The following DOCK5 variants were observed in gnomAD, a reference collection of about 807,000 sequenced individuals.
The protein encoded by DOCK5 is dedicator of cytokinesis protein 5.
In DOCK5, 142 loss-of-function variants were observed where a neutral mutation model predicts 251.8. The observed-to-expected ratio is 0.56, with a 90% confidence interval of 0.49 to 0.65. DOCK5 has a LOEUF of 0.65. DOCK5 is among the 30% of genes least tolerant of loss of function. The pLI, the probability that DOCK5 is intolerant of heterozygous loss-of-function variation, is 0.00. For missense variants in DOCK5, 2,111 were observed against 2,312.3 expected, an observed-to-expected ratio of 0.91 and a Z score of 1.79; for synonymous variants, 842 against 835.5, an observed-to-expected ratio of 1.01 and a Z score of -0.13.
At chr8:25,314,946 G>A (rs569380155) in intron 13 of DOCK5, among the ~76,000 whole-genome samples, 1 of 149,538 alleles carries the variant, frequency 6.7e-6, no homozygotes, top group South Asian at 2.1e-4. Context: ...TTGGAGCTAC[G>A]ATGACCTCTT....
chr8:25,363,799 C>T (rs913553998), intron 29 of DOCK5, among the ~76,000 whole-genome samples: 1 of 152,218 alleles, frequency 6.6e-6, no homozygotes, highest in Non-Finnish European at 1.5e-5. Flanking sequence ...ACCGGTCTTC[C>T]GCTAGCAGTG....
At chr8:25,205,407 A>G (rs1321897233) in intron 1 of DOCK5, among the ~76,000 whole-genome samples, 1 of 152,164 alleles carries the variant, frequency 6.6e-6, no homozygotes, top group African/African-American at 2.4e-5. Context: ...CAGCCCCCAG[A>G]GCTGTTAGAA....
At chr8:25,209,171 G>GAGAGAAGTTTCCTGTGCGTCAGGC (rs1338665663) in intron 1 of DOCK5, among the ~76,000 whole-genome samples, 13 of 75,466 alleles carry the variant, frequency 1.7e-4, no homozygotes, top group Admixed American at 5.7e-4. Flanking sequence ...GAGGCTCAGA[G>GAGAGAAGTTTCCTGTGCGTCAGGC]CACATTAGCG....
Position 25,319,559 on chromosome 8 carries a change from T to C in DOCK5, c.1444-19T>C. ...CTAAACAAAATTATTCCCTTCTAAT[T>C]TTTTCCTTCCATCTGAAGAAAGCAA... On this transcript the variant is annotated intron_variant, in intron 14 of 51. Coordinates refer to ENST00000276440, the MANE Select transcript of DOCK5 (RefSeq NM_024940.8). 6.5e-7 allele frequency: 1 copy of C among 1,546,986 alleles called. No individual in the cohort carries two copies. The highest frequency in any genetic ancestry group is 8.8e-7 in the Non-Finnish European group (1 of 1,140,620).
chr8:25,299,340 C>CT, intron 8 of DOCK5: 1 of 434,958 alleles, frequency 2.3e-6, no homozygotes. Flanking sequence ...CTCATTAGGG[C>CT]TTGGAGATGG....
chr8:25,301,232 A>G (rs982387680), intron 9 of DOCK5, among the ~76,000 whole-genome samples: 4 of 152,236 alleles, frequency 2.6e-5, no homozygotes, highest in East Asian at 3.8e-4. Flanking sequence ...GTCTCAGAGC[A>G]TATTCATCAC....
chr8:25,215,452 G>A (rs114683256), intron 1 of DOCK5, among the ~76,000 whole-genome samples: 7,358 of 152,038 alleles, frequency 0.048, 535 homozygotes, highest in African/African-American at 0.16. Context: ...TCTACACCCC[G>A]ATCCCCAGTA....
At chr8:25,398,765 A>G (rs1005247409) in intron 45 of DOCK5, among the ~76,000 whole-genome samples, 2 of 152,128 alleles carry the variant, frequency 1.3e-5, no homozygotes, top group Non-Finnish European at 2.9e-5. Flanking sequence ...TTAAGGGCCC[A>G]CCCTACTCCA....
At chr8:25,268,762 A>G in intron 2 of DOCK5, 83 bp from the exon 3 acceptor site, 1 of 1,163,134 alleles carries the variant, frequency 8.6e-7, no homozygotes, top group Non-Finnish European at 1.2e-6. Context: ...TATTGCTAAT[A>G]GAACATGAGA....
At chr8:25,287,992 T>C (rs1804384965) in intron 5 of DOCK5, among the ~76,000 whole-genome samples, 1 of 151,660 alleles carries the variant, frequency 6.6e-6, no homozygotes, top group Admixed American at 6.6e-5. Flanking sequence ...TTCAAGCAAT[T>C]CTCCTGCCTC....
chr8:25,272,116 CCTT>C, intron 3 of DOCK5, among the ~76,000 whole-genome samples: 1 of 152,094 alleles, frequency 6.6e-6, no homozygotes, highest in East Asian at 1.9e-4. Context: ...GCAGCCTTGA[CCTT>C]CTGGGCTCAA....
chr8:25,262,822 ATTT>A (rs11386810), intron 2 of DOCK5, among the ~76,000 whole-genome samples: 1 of 143,864 alleles, frequency 7.0e-6, no homozygotes. Flanking sequence ...TATAGATACA[ATTT>A]TTTTTTTTTT....
intron 1 of DOCK5, among the ~76,000 whole-genome samples, chr8:25,197,250 G>A (rs1801752447): frequency 6.6e-6 from 1 of 152,132 alleles, no homozygotes; most frequent in Admixed American, 6.5e-5. Context: ...ATTATTTTGA[G>A]GCAGAGATGT....
intron 26 of DOCK5, among the ~76,000 whole-genome samples, chr8:25,346,380 C>A (rs528485266): frequency 6.6e-6 from 1 of 152,276 alleles, no homozygotes; most frequent in Non-Finnish European, 1.5e-5. Context: ...CCTTCTTATC[C>A]TCTGATGCCT....
chr8:25,316,954 AACTTAGAATG>A (rs1180703330), intron 13 of DOCK5, 43 bp from the exon 14 acceptor site: 2 of 1,602,342 alleles, frequency 1.2e-6, no homozygotes, highest in Admixed American at 3.4e-5. Context: ...GACATTCTGA[AACTTAGAATG>A]ACTTCTCTCA....
rs532095072 is a variant in DOCK5, at chr8:25,392,064, G to A, written c.4440+84G>A. ...CACGCCTGTAATCCCAGCATTCTGGGAGGCCGATGCGGGCGGATCACGAAG... is the reference window on the plus strand; with the variant it reads ...CACGCCTGTAATCCCAGCATTCTGGAAGGCCGATGCGGGCGGATCACGAAG... On this transcript the variant is annotated intron_variant, in intron 43 of 51. Coordinates refer to ENST00000276440, the MANE Select transcript of DOCK5 (RefSeq NM_024940.8). 7.8e-5 allele frequency: 103 copies of A among 1,313,074 alleles called. No homozygotes were observed. The South Asian group carries it at 1.3e-3, about 17-fold the overall frequency. The allele number at this position is 1,313,074 out of a possible 1,614,324, so 81.3% of individuals were successfully genotyped here. A position where few individuals can be genotyped will look rare whatever the true frequency, so the allele number is the denominator to read the frequency against.
chr8:25,203,454 G>A (rs570570918), intron 1 of DOCK5, among the ~76,000 whole-genome samples: 1 of 152,312 alleles, frequency 6.6e-6, no homozygotes, highest in East Asian at 1.9e-4. Flanking sequence ...TTCTTTTCAT[G>A]TTTGAGCTGT....
At chr8:25,351,972 C>G (rs1800477637) in intron 27 of DOCK5, 146 bp downstream of exon 27, 1 of 624,708 alleles carries the variant, frequency 1.6e-6, no homozygotes, top group African/African-American at 1.8e-5. Context: ...CTTAGCAGAT[C>G]TTGATTCTGA....
rs1800744522 is a variant in DOCK5, at chr8:25,364,638, T to A, written c.3057T>A (p.Arg1019=). Residue 1019 remains arginine, a synonymous_variant, in exon 30 of 52, where the codon CGT becomes CGA. Transcript: ENST00000276440. ...MNMTQNRVFL[R]AINQFAEVLT... is the part of the protein sequence containing the mutation. Reference sequence around the variant, plus strand: ...TTTCCTTCCGCAGGGTTTTTCTCCGTGCTATAAATCAGTTTGCTGAAGTTC... The same window carrying A: ...TTTCCTTCCGCAGGGTTTTTCTCCGAGCTATAAATCAGTTTGCTGAAGTTC... The A allele has an allele frequency of 6.2e-7, 1 of 1,600,402 alleles. No homozygotes were observed. Among genetic ancestry groups the A allele is most frequent in the South Asian group, 1.1e-5 (1 of 88,788 alleles).
Sources: gnomAD v4.1 joint callset for allele counts (sites outside exome capture counted in the v4.1 genomes callset) on GRCh38, gnomAD v4.1.1 for gene constraint, MANE v1.5 for transcripts, NCBI Gene and HGNC (gene_info 2026-07-23, HGNC 2026-07-21) for gene names.